The following FMNL2 variants were observed in gnomAD, a reference collection of about 807,000 sequenced individuals.
The protein encoded by FMNL2 is formin-like protein 2.
A neutral mutation model predicts 130.2 loss-of-function variants in FMNL2; 51 were observed. The observed-to-expected ratio is 0.39, with a 90% CI of 0.31 to 0.49. The LOEUF (loss-of-function observed/expected upper bound fraction) is 0.49. FMNL2 is among the 20% of genes least tolerant of loss of function. FMNL2 has a pLI of 0.85. For synonymous variants in FMNL2, 465 were observed against 467.1 expected (o/e 1.00, Z 0.06); for missense variants, 977 against 1,316.2 (o/e 0.74, Z 3.99).
chr2:152,621,364 T>A (rs1057180047), intron 15 of FMNL2, among the ~76,000 whole-genome samples: 12 of 152,230 alleles, frequency 7.9e-5, no homozygotes, highest in Non-Finnish European at 1.5e-5. Flanking sequence ...AGGGGCCATG[T>A]CCTGTGTGAT....
chr2:152,558,620 T>A, intron 4 of FMNL2, 120 bp from the exon 5 acceptor site: 1 of 840,466 alleles, frequency 1.2e-6, no homozygotes. Context: ...CCTTCCTCCC[T>A]ATGTCCTTTC....
intron 1 of FMNL2, among the ~76,000 whole-genome samples, chr2:152,462,994 G>A (rs568635533): frequency 3.9e-5 from 6 of 152,276 alleles, no homozygotes; most frequent in South Asian, 4.1e-4. Flanking sequence ...CAACAGATTC[G>A]TTATCCTCTA....
At position 152,643,328 on chromosome 2, in the gene FMNL2, A is replaced by G; in HGVS notation, c.3169+2414A>G. On this transcript the variant is annotated intron_variant, in intron 25 of 25. Coordinates refer to ENST00000288670, the MANE Select transcript of FMNL2 (RefSeq NM_052905.4). ...TTCCCCACCCCCATCCCCAGGTATG[A>G]TTAACAATGCACTAACCATGTACTA... The G allele has an allele frequency of 2.0e-6, 3 of 1,504,492 alleles. No individual in the cohort carries two copies. The Admixed American group carries it at 6.0e-5, about 30-fold the overall frequency. The allele number at this position is 1,504,492 out of a possible 1,614,324, so 93.2% of individuals were successfully genotyped here.
chr2:152,521,928 A>G lies in FMNL2; in HGVS notation c.118-15A>G, dbSNP rs1558934821. The G allele has an allele frequency of 6.3e-7, 1 of 1,594,566 alleles. No individual in the cohort carries two copies. The highest frequency in any genetic ancestry group is 8.6e-7 in the Non-Finnish European group (1 of 1,163,684). On this transcript the variant is annotated splice_polypyrimidine_tract_variant and intron_variant, in intron 1 of 25. Coordinates refer to ENST00000288670, the MANE Select transcript of FMNL2 (RefSeq NM_052905.4). Reference sequence around the variant, plus strand: ...GGAATGTGACATCTTTTCTCTCTTTATTTTTTTTAAACAGAATGCTATGAA... The same window carrying G: ...GGAATGTGACATCTTTTCTCTCTTTGTTTTTTTTAAACAGAATGCTATGAA...
chr2:152,366,945 A>C (rs978497097), intron 1 of FMNL2, among the ~76,000 whole-genome samples: 1 of 152,142 alleles, frequency 6.6e-6, no homozygotes, highest in East Asian at 1.9e-4. Flanking sequence ...TGATTGCACC[A>C]CTGTATTCCA....
chr2:152,431,403 A>G (rs1036333395), intron 1 of FMNL2, among the ~76,000 whole-genome samples: 1 of 152,216 alleles, frequency 6.6e-6, no homozygotes, highest in East Asian at 1.9e-4. Context: ...AACTGGTTGC[A>G]TGTACATGGT....
chr2:152,616,016 A>G (rs1367797723), intron 12 of FMNL2, among the ~76,000 whole-genome samples: 1 of 152,184 alleles, frequency 6.6e-6, no homozygotes, highest in Non-Finnish European at 1.5e-5. Context: ...TTACAGGCCC[A>G]GTATATCTTC....
chr2:152,518,553 A>T (rs1692902869), intron 1 of FMNL2, among the ~76,000 whole-genome samples: 1 of 152,158 alleles, frequency 6.6e-6, no homozygotes, highest in Non-Finnish European at 1.5e-5. Context: ...AGGGTCATTT[A>T]TAAATCTTAT....
chr2:152,425,723 G>C (rs1687166009), intron 1 of FMNL2, among the ~76,000 whole-genome samples: 1 of 152,168 alleles, frequency 6.6e-6, no homozygotes, highest in African/African-American at 2.4e-5. Flanking sequence ...GGAGCTTTAA[G>C]TATGTCTTGT....
At chr2:152,609,288 A>G (rs1159790076) in intron 10 of FMNL2, among the ~76,000 whole-genome samples, 2 of 152,362 alleles carry the variant, frequency 1.3e-5, no homozygotes, top group African/African-American at 4.8e-5. Context: ...CCTCTTAGGC[A>G]TATCATAAAA....
At chr2:152,508,361 C>T (rs1306876750) in intron 1 of FMNL2, among the ~76,000 whole-genome samples, 1 of 152,154 alleles carries the variant, frequency 6.6e-6, no homozygotes, top group Non-Finnish European at 1.5e-5. Flanking sequence ...AATAATCAAA[C>T]AGGGATTCAT....
intron 1 of FMNL2, among the ~76,000 whole-genome samples, chr2:152,399,777 A>T (rs553238781): frequency 6.6e-5 from 10 of 152,334 alleles, no homozygotes; most frequent in African/African-American, 2.2e-4. Flanking sequence ...GTGAGGAAGC[A>T]GTTAAAGATG....
chr2:152,481,603 A>G (rs187679836), intron 1 of FMNL2, among the ~76,000 whole-genome samples: 20 of 152,336 alleles, frequency 1.3e-4, no homozygotes, highest in Admixed American at 1.2e-3. Flanking sequence ...TCTAACTTGT[A>G]GTCAGAATTG....
chr2:152,621,078 A>G (rs1165095538), intron 15 of FMNL2: 2 of 985,328 alleles, frequency 2.0e-6, no homozygotes, highest in Non-Finnish European at 2.4e-6. Flanking sequence ...AATGTGTTCC[A>G]TCACCAGGCT....
chr2:152,336,741 C>CA (rs1681486444), intron 1 of FMNL2, among the ~76,000 whole-genome samples: 2 of 152,164 alleles, frequency 1.3e-5, no homozygotes, highest in South Asian at 4.1e-4. Flanking sequence ...GGGACACACA[C>CA]AGGCGAGATT....
intron 9 of FMNL2, among the ~76,000 whole-genome samples, chr2:152,600,510 G>A (rs1697994427): frequency 6.6e-6 from 1 of 152,138 alleles, no homozygotes; most frequent in African/African-American, 2.4e-5. Flanking sequence ...CTGGGAGTGT[G>A]TTCACTTCAA....
intron 11 of FMNL2, among the ~76,000 whole-genome samples, chr2:152,613,646 C>T (rs1698799288): frequency 6.6e-6 from 1 of 152,162 alleles, no homozygotes; most frequent in African/African-American, 2.4e-5. Context: ...TCTTTAACTT[C>T]ATCATGTGTT....
chr2:152,470,389 T>C (rs1405865913), intron 1 of FMNL2, among the ~76,000 whole-genome samples: 1 of 152,226 alleles, frequency 6.6e-6, no homozygotes, highest in Admixed American at 6.5e-5. Flanking sequence ...TCTGAGAATA[T>C]CACTTGAAGA....
At chr2:152,491,820 G>A (rs569043193) in intron 1 of FMNL2, among the ~76,000 whole-genome samples, 109 of 152,100 alleles carry the variant, frequency 7.2e-4, no homozygotes, top group African/African-American at 2.5e-3. Context: ...GCGTGGTGGC[G>A]TGCACCTGGA....
Sources: allele counts gnomAD v4.1 joint callset (sites outside exome capture counted in the v4.1 genomes callset), GRCh38; gene constraint gnomAD v4.1.1; transcripts MANE v1.5; gene names NCBI Gene and HGNC (gene_info 2026-07-23, HGNC 2026-07-21).